The following TMEM178B variants were observed in gnomAD, a reference collection of about 807,000 sequenced individuals.
TMEM178B encodes the protein transmembrane protein 178B.
Under a neutral mutation model 31.0 loss-of-function variants are expected in TMEM178B, and 5 were observed. The ratio of observed to expected loss-of-function variants is 0.16; its 90% CI spans 0.08 to 0.34. TMEM178B has a LOEUF of 0.34. Among genes scored for constraint, TMEM178B ranks in the 10% least tolerant of loss-of-function variants. The probability of loss-of-function intolerance (pLI) is 1.00; values close to 1 mark genes in which losing one functional copy is unlikely to be tolerated. For missense variants in TMEM178B, 275 were observed against 400.3 expected, an observed-to-expected ratio of 0.69 and a Z score of 2.67; for synonymous variants, 164 against 164.0, an observed-to-expected ratio of 1.00 and a Z score of 0.00.
At chr7:141,274,459 A>G (rs6950288) in intron 2 of TMEM178B, among the ~76,000 whole-genome samples, 66,180 of 152,024 alleles carry the variant, frequency 0.44, 14,649 homozygotes, top group East Asian at 0.67. Flanking sequence ...ACTCTCTATC[A>G]TAAATCACTC....
chr7:141,443,689 G>A (rs1801702310), intron 3 of TMEM178B, among the ~76,000 whole-genome samples: 1 of 152,156 alleles, frequency 6.6e-6, no homozygotes, highest in Admixed American at 6.5e-5. Context: ...TTCCTCGGAA[G>A]GAAGTCACCA....
intron 2 of TMEM178B, among the ~76,000 whole-genome samples, chr7:141,276,014 A>G (rs1563138719): frequency 1.3e-5 from 2 of 152,232 alleles, no homozygotes; most frequent in East Asian, 1.9e-4. Context: ...ATCCCATTTT[A>G]AAGTAAAGGA....
chr7:141,109,858 T>C (rs1339736307), intron 1 of TMEM178B, among the ~76,000 whole-genome samples: 1 of 152,106 alleles, frequency 6.6e-6, no homozygotes, highest in Non-Finnish European at 1.5e-5. Flanking sequence ...GGAGGATTGT[T>C]TGAGTCAAGG....
chr7:141,384,574 T>C (rs1800395376), intron 2 of TMEM178B, among the ~76,000 whole-genome samples: 1 of 152,222 alleles, frequency 6.6e-6, no homozygotes, highest in Non-Finnish European at 1.5e-5. Context: ...CATTGGTCTA[T>C]ATCTCTGTTT....
chr7:141,210,943 G>C (rs1041205855), intron 1 of TMEM178B, among the ~76,000 whole-genome samples: 1 of 152,160 alleles, frequency 6.6e-6, no homozygotes, highest in Non-Finnish European at 1.5e-5. Flanking sequence ...CGCCCTTGAG[G>C]AGGAGGCAGC....
rs1363675576 is a variant in TMEM178B at position 141,247,119 on chromosome 7, T to TC, written c.496+34415_496+34416insC. Among the ~76,000 whole-genome samples, 911 of 151,604 alleles carry TC rather than the reference T, an allele frequency of 6.0e-3. 4 individuals are homozygous for TC. Among genetic ancestry groups the TC allele is most frequent in the Non-Finnish European group, 9.2e-3 (628 of 67,910 alleles). On this transcript the variant is annotated intron_variant, in intron 2 of 3. Transcript: ENST00000565468. The stretch of plus-strand genomic sequence containing the variant: ...TATGTATAAATCTTTCGCTCTCTCT[T>TC]TCTATGTATATATAGAGAGAGAACT...
chr7:141,364,217 T>G (rs1799964935), intron 2 of TMEM178B, among the ~76,000 whole-genome samples: 1 of 152,224 alleles, frequency 6.6e-6, no homozygotes, highest in African/African-American at 2.4e-5. Flanking sequence ...AAGTGAGCAG[T>G]TCCCCTTTCC....
intron 2 of TMEM178B, among the ~76,000 whole-genome samples, chr7:141,290,982 G>A (rs1191150774): frequency 6.6e-6 from 1 of 152,150 alleles, no homozygotes; most frequent in Non-Finnish European, 1.5e-5. Flanking sequence ...GCTCTTCCTT[G>A]ATGTCAGAAT....
At chr7:141,325,134 G>C (rs1799166809) in intron 2 of TMEM178B, among the ~76,000 whole-genome samples, 1 of 152,136 alleles carries the variant, frequency 6.6e-6, no homozygotes. Flanking sequence ...TAAGGAGCCT[G>C]CTGAAGGTTT....
chr7:141,112,402 G>A (rs1795248010), intron 1 of TMEM178B, among the ~76,000 whole-genome samples: 1 of 152,046 alleles, frequency 6.6e-6, no homozygotes, highest in Non-Finnish European at 1.5e-5. Flanking sequence ...ACAGGTGTTA[G>A]CCACCACAGC....
At chr7:141,414,691 G>A (rs190551453) in intron 2 of TMEM178B, 2 of 152,492 alleles carry the variant, frequency 1.3e-5, no homozygotes, top group East Asian at 3.9e-4. Flanking sequence ...CATCTTCTCT[G>A]AGCATCTCTC....
chr7:141,498,710 A>G, the TMEM178B span, among the ~76,000 whole-genome samples: 2 of 152,224 alleles, frequency 1.3e-5, no homozygotes, highest in Non-Finnish European at 2.9e-5. Context: ...AGTAGTAATC[A>G]GTCTCTGACA....
At chr7:141,076,094 C>A (rs912839801) in intron 1 of TMEM178B, among the ~76,000 whole-genome samples, 3 of 152,110 alleles carry the variant, frequency 2.0e-5, no homozygotes, top group Admixed American at 6.5e-5. Flanking sequence ...ACCAATATCC[C>A]ATTTGCTTCA....
At chr7:141,200,771 G>T (rs1796863708) in intron 1 of TMEM178B, among the ~76,000 whole-genome samples, 1 of 152,212 alleles carries the variant, frequency 6.6e-6, no homozygotes, top group African/African-American at 2.4e-5. Context: ...TACGGAGGCA[G>T]ATCAGGGAGG....
At chr7:141,406,558 C>T (rs908584755) in intron 2 of TMEM178B, among the ~76,000 whole-genome samples, 2 of 152,196 alleles carry the variant, frequency 1.3e-5, no homozygotes, top group East Asian at 3.8e-4. Flanking sequence ...TGTTGTTACA[C>T]AATTACTATG....
downstream of TMEM178B, among the ~76,000 whole-genome samples, chr7:141,482,779 GT>G (rs1802499476): frequency 6.6e-6 from 1 of 152,198 alleles, no homozygotes; most frequent in African/African-American, 2.4e-5. Flanking sequence ...CAAGTGTCCA[GT>G]TGTCCCCTCC....
At chr7:141,439,089 G>T (rs1260147345) in intron 3 of TMEM178B, among the ~76,000 whole-genome samples, 5 of 152,064 alleles carry the variant, frequency 3.3e-5, no homozygotes, top group Admixed American at 1.3e-4. Flanking sequence ...GTCAAGCTGG[G>T]GACAGGAGGA....
intron 1 of TMEM178B, among the ~76,000 whole-genome samples, chr7:141,202,053 C>A (rs1796887092): frequency 6.6e-6 from 1 of 152,184 alleles, no homozygotes; most frequent in Admixed American, 6.5e-5. Flanking sequence ...CGTCTCTAAG[C>A]TTCTCAGTCT....
In TMEM178B at chr7:141,471,863, T is replaced by C. The variant is rs150284425; in HGVS notation, c.*1077T>C. 19 of 152,356 alleles carry C rather than the reference T, an allele frequency of 1.2e-4. No homozygotes were observed. The highest frequency in any genetic ancestry group is 4.3e-4 in the African/African-American group (18 of 41,510). 9.4% of individuals were successfully genotyped at this position (152,356 alleles called of 1,614,324 possible). A position where few individuals can be genotyped will look rare whatever the true frequency, so the allele number is the denominator to read the frequency against. On this transcript the variant is annotated 3_prime_UTR_variant, in exon 4 of 4. Coordinates refer to ENST00000565468, the MANE Select transcript of TMEM178B (RefSeq NM_001195278.2). This position sits in a 1 kb window ranked among gnomAD's most constrained non-coding sequence, Gnocchi z 4.1. ...GGGGTTTTATTGTTTGTGTTGTGTT[T>C]TTTTAAATTGTTTCTGGTATAGCTG... is the stretch of plus-strand genomic sequence containing the variant.
Sources: allele counts gnomAD v4.1 joint callset (sites outside exome capture counted in the v4.1 genomes callset), GRCh38; gene constraint gnomAD v4.1.1; non-coding constraint Gnocchi (gnomAD v3.1); transcripts MANE v1.5; gene names NCBI Gene and HGNC (gene_info 2026-07-23, HGNC 2026-07-21).